The following DGKB variants were observed in gnomAD, a reference collection of about 807,000 sequenced individuals.
DGKB encodes diacylglycerol kinase beta.
Under a neutral mutation model 114.3 loss-of-function variants are expected in DGKB, and 67 were observed. The observed-to-expected ratio is 0.59, with a 90% CI of 0.48 to 0.72. DGKB has a LOEUF of 0.72. Ranked by LOEUF, DGKB falls within the 30% of genes least tolerant of loss-of-function variation. DGKB has a pLI of 0.00. For synonymous variants in DGKB, 398 were observed against 323.1 expected (o/e 1.23, Z -2.49); for missense variants, 907 against 975.2 (o/e 0.93, Z 0.93).
At position 14,863,657 on chromosome 7, in the gene DGKB, T is replaced by A. The variant is rs74520296; in HGVS notation, c.-187-22207A>T. On this transcript the variant is annotated intron_variant, in intron 1 of 25. Coordinates refer to ENST00000402815, the MANE Select transcript of DGKB (RefSeq NM_001350709.2). ...GACAAATAATAATTGTGTATATTTA[T>A]GGGATATGATGAAATGTTTTGATCT... 9.0e-4 allele frequency among the ~76,000 whole-genome samples: 137 copies of A among 152,244 alleles called. 1 individual carries two copies. In the East Asian group the frequency reaches 0.024, roughly 26 times the overall value.
chr7:14,604,219 G>C (rs1023775993), intron 17 of DGKB, among the ~76,000 whole-genome samples: 8 of 152,024 alleles, frequency 5.3e-5, no homozygotes, highest in African/African-American at 1.9e-4. Context: ...TTTATATAAA[G>C]AGATAGAATG....
At chr7:14,827,971 T>C (rs1430620829) in intron 2 of DGKB, among the ~76,000 whole-genome samples, 1 of 151,968 alleles carries the variant, frequency 6.6e-6, no homozygotes, top group Non-Finnish European at 1.5e-5. Context: ...CAAGGTGGCT[T>C]ATGGAGGAAA....
At chr7:14,606,036 C>T (rs1254204007) in intron 17 of DGKB, among the ~76,000 whole-genome samples, 2 of 152,058 alleles carry the variant, frequency 1.3e-5, no homozygotes, top group African/African-American at 4.8e-5. Context: ...CCTGGATTAA[C>T]TTGGTTTGAT....
At chr7:14,344,222 T>A (rs1372904283) in intron 22 of DGKB, among the ~76,000 whole-genome samples, 1 of 151,444 alleles carries the variant, frequency 6.6e-6, no homozygotes, top group African/African-American at 2.4e-5. Context: ...AAGGTTATGA[T>A]CTGATCCTGT....
chr7:14,223,948 G>C (rs1003115834), intron 23 of DGKB, among the ~76,000 whole-genome samples: 7 of 151,258 alleles, frequency 4.6e-5, no homozygotes, highest in Non-Finnish European at 1.0e-4. Flanking sequence ...TCTTTTTCCA[G>C]GTCCTTTTTT....
At chr7:14,904,191 T>G (rs565290360), upstream of DGKB, among the ~76,000 whole-genome samples, 3 of 150,688 alleles carry the variant, frequency 2.0e-5, no homozygotes, top group East Asian at 6.1e-4. Flanking sequence ...TTCTGTAGAT[T>G]GAGTAATCAT....
intron 21 of DGKB, among the ~76,000 whole-genome samples, chr7:14,369,421 T>C (rs886703699): frequency 2.6e-5 from 4 of 152,112 alleles, no homozygotes; most frequent in Admixed American, 6.5e-5. Flanking sequence ...TTTATAATCC[T>C]TTGAGTATAT....
At chr7:14,751,074 A>T (rs1834059726) in intron 4 of DGKB, among the ~76,000 whole-genome samples, 1 of 151,958 alleles carries the variant, frequency 6.6e-6, no homozygotes, top group Non-Finnish European at 1.5e-5. Flanking sequence ...TGGCCTCCCA[A>T]AGTGCTGGGA....
At chr7:14,308,194 T>C (rs1439900017) in intron 23 of DGKB, among the ~76,000 whole-genome samples, 1 of 152,082 alleles carries the variant, frequency 6.6e-6, no homozygotes, top group African/African-American at 2.4e-5. Context: ...TGTAATTTCA[T>C]GTCATAAACA....
At chr7:14,432,273 C>A (rs1049135099) in intron 21 of DGKB, among the ~76,000 whole-genome samples, 2 of 152,058 alleles carry the variant, frequency 1.3e-5, no homozygotes, top group African/African-American at 4.8e-5. Context: ...GGATTTTTTA[C>A]CTTGAGTAAG....
chr7:14,218,347 C>G (rs1789339950), intron 23 of DGKB, among the ~76,000 whole-genome samples: 1 of 152,038 alleles, frequency 6.6e-6, no homozygotes, highest in Admixed American at 6.6e-5. Flanking sequence ...GGAGATACAT[C>G]TTGATCAAGA....
chr7:14,338,106 C>T (rs1449939924), intron 23 of DGKB, among the ~76,000 whole-genome samples: 1 of 152,022 alleles, frequency 6.6e-6, no homozygotes, highest in African/African-American at 2.4e-5. Flanking sequence ...AATCTCATAG[C>T]CTGACCAAAG....
intron 21 of DGKB, among the ~76,000 whole-genome samples, chr7:14,358,748 A>G (rs912114692): frequency 2.0e-5 from 3 of 152,182 alleles, no homozygotes; most frequent in Non-Finnish European, 2.9e-5. Context: ...CTTACAAGGG[A>G]TGGGAAGGAC....
intron 2 of DGKB, among the ~76,000 whole-genome samples, chr7:14,761,627 G>C (rs1409753156): frequency 3.3e-5 from 5 of 152,174 alleles, no homozygotes; most frequent in Admixed American, 2.6e-4. Flanking sequence ...TGGATGAACA[G>C]ATAGTAAGAC....
rs1781277012 is a variant in DGKB at position 14,471,222 on chromosome 7, A to ATG, written c.1835+6938_1835+6939insCA. Among the ~76,000 whole-genome samples, 3 of 131,680 alleles carry ATG rather than the reference A, an allele frequency of 2.3e-5. 1 individual carries two copies. The highest frequency in any genetic ancestry group is 9.7e-5 in the African/African-American group (3 of 30,950). The allele number at this position is 131,680 out of a possible 152,430, so 86.4% of individuals were successfully genotyped here. A position where few individuals can be genotyped will look rare whatever the true frequency, so the allele number is the denominator to read the frequency against. ...ATGGAATATATGTATATATACATAT[A>ATG]TATGTATGGAATATATGTATACATA... is the stretch of plus-strand genomic sequence containing the variant. On this transcript the variant is annotated intron_variant, in intron 21 of 25. Coordinates refer to ENST00000402815, the MANE Select transcript of DGKB (RefSeq NM_001350709.2).
chr7:14,972,153 C>T (rs1273699899), intron 1 of DGKB, among the ~76,000 whole-genome samples: 1 of 152,044 alleles, frequency 6.6e-6, no homozygotes, highest in Non-Finnish European at 1.5e-5. Context: ...TCTGGAATGT[C>T]TATTTTATTC....
chr7:14,715,270 G>T (rs1285739997), intron 6 of DGKB, among the ~76,000 whole-genome samples: 1 of 152,126 alleles, frequency 6.6e-6, no homozygotes, highest in African/African-American at 2.4e-5. Flanking sequence ...GTTTAGTTTT[G>T]GAATAATAGC....
intron 4 of DGKB, among the ~76,000 whole-genome samples, chr7:14,747,775 G>GCGCGCGCGCGCACACACA: frequency 0.029 from 4,338 of 149,242 alleles, 138 homozygotes; most frequent in Admixed American, 0.091. Context: ...ACATCCACGC[G>GCGCGCGCGCGCACACACA]CACGCACACA....
At chr7:14,793,705 G>C (rs905949590) in intron 2 of DGKB, among the ~76,000 whole-genome samples, 1 of 152,076 alleles carries the variant, frequency 6.6e-6, no homozygotes, top group African/African-American at 2.4e-5. Context: ...CTATCTCTAT[G>C]AGAAATTATC....
Sources: gnomAD v4.1 joint callset for allele counts (sites outside exome capture counted in the v4.1 genomes callset) on GRCh38, gnomAD v4.1.1 for gene constraint, MANE v1.5 for transcripts, NCBI Gene and HGNC (gene_info 2026-07-23, HGNC 2026-07-21) for gene names.